The following TMPRSS4 variants were observed in gnomAD, a reference collection of about 807,000 sequenced individuals.
TMPRSS4 encodes the protein transmembrane serine protease 4.
In TMPRSS4, 45 loss-of-function variants were observed where a neutral mutation model predicts 56.4. The observed-to-expected ratio is 0.80, with a 90% CI of 0.63 to 1.02. The LOEUF (loss-of-function observed/expected upper bound fraction) is 1.02, where lower values mean the gene tolerates loss of function less well. Among genes scored for constraint, TMPRSS4 ranks in the 50% least tolerant of loss-of-function variants. The probability of loss-of-function intolerance (pLI) is 0.00; values close to 1 mark genes in which losing one functional copy is unlikely to be tolerated. For synonymous variants in TMPRSS4, 205 were observed against 211.0 expected (o/e 0.97, Z 0.25); for missense variants, 546 against 556.7 (o/e 0.98, Z 0.19).
At chr11:118,109,595 T>C (rs1442999627) in intron 7 of TMPRSS4, among the ~76,000 whole-genome samples, 2 of 152,194 alleles carry the variant, frequency 1.3e-5, no homozygotes, top group Non-Finnish European at 2.9e-5. Flanking sequence ...TTAGTCCAAC[T>C]GCCCATCAAG....
intron 3 of TMPRSS4, among the ~76,000 whole-genome samples, chr11:118,099,450 A>AG (rs943688044): frequency 2.8e-3 from 110 of 39,058 alleles, no homozygotes; most frequent in African/African-American, 0.01. Context: ...GAAAGAAGAG[A>AG]GAAAGAGAGA....
At chr11:118,095,353 C>A (rs780296827) in intron 2 of TMPRSS4, 19 of 166,198 alleles carry the variant, frequency 1.1e-4, no homozygotes, top group Non-Finnish European at 2.4e-4. Flanking sequence ...ATTACATTTT[C>A]TTAAACCATT....
At chr11:118,084,623 C>A (rs1262884409) in intron 1 of TMPRSS4, among the ~76,000 whole-genome samples, 2 of 152,148 alleles carry the variant, frequency 1.3e-5, no homozygotes, top group Non-Finnish European at 1.5e-5. Flanking sequence ...CAGCACAGAC[C>A]CTCCTTGAAC....
At position 118,099,499 on chromosome 11, in the gene TMPRSS4, A is replaced by AAGAAAGAAAGAAAGAC. The variant is rs1555085874; in HGVS notation, c.157+404_157+405insAAGAAAGAAAGACAGA. 5.0e-3 allele frequency among the ~76,000 whole-genome samples: 753 copies of AAGAAAGAAAGAAAGAC among 151,734 alleles called. 4 individuals are homozygous for AAGAAAGAAAGAAAGAC. Among genetic ancestry groups the AAGAAAGAAAGAAAGAC allele is most frequent in the Middle Eastern group, 0.031 (9 of 292 alleles). ...AGAAAGAAAAAGAAAGAAAGAAAGA[A>AAGAAAGAAAGAAAGAC]AGACATGTATCCACCCCCTGCTTTG... On this transcript the variant is annotated intron_variant, in intron 3 of 12. Transcript: ENST00000437212.
chr11:118,103,287 G>A, intron 4 of TMPRSS4, 34 bp downstream of exon 4: 2 of 1,600,484 alleles, frequency 1.2e-6, no homozygotes, highest in South Asian at 2.2e-5. Flanking sequence ...AGAGAAGTGG[G>A]CCCAGCAGGA....
chr11:118,091,041 A>T (rs1448597406), intron 1 of TMPRSS4, among the ~76,000 whole-genome samples: 4 of 152,176 alleles, frequency 2.6e-5, no homozygotes, highest in Admixed American at 2.6e-4. Flanking sequence ...ATGCATGCAC[A>T]GGTAGACTCA....
chr11:118,082,086 G>A (rs1244844858), intron 1 of TMPRSS4, among the ~76,000 whole-genome samples: 2 of 152,158 alleles, frequency 1.3e-5, no homozygotes, highest in East Asian at 1.9e-4. Context: ...GAACCTGTCC[G>A]GACACGTAGG....
intron 7 of TMPRSS4, among the ~76,000 whole-genome samples, chr11:118,109,871 C>T (rs949278831): frequency 6.6e-6 from 1 of 152,202 alleles, no homozygotes; most frequent in Non-Finnish European, 1.5e-5. Context: ...GGATCTGACA[C>T]GTGGTGGCTG....
intron 7 of TMPRSS4, among the ~76,000 whole-genome samples, chr11:118,110,193 C>A (rs1391251383): frequency 6.6e-6 from 1 of 152,188 alleles, no homozygotes; most frequent in Admixed American, 6.5e-5. Context: ...CCCAGCACTG[C>A]CCCAGGACAG....
At position 118,117,252 on chromosome 11, in the gene TMPRSS4, GC is replaced by G. The variant is rs1184923958; in HGVS notation, c.1153-46del. 1.1e-5 allele frequency: 18 copies of G among 1,594,232 alleles called. No homozygotes were observed. The East Asian group carries it at 1.6e-4, about 14-fold the overall frequency. On this transcript the variant is annotated intron_variant, in intron 11 of 12. Transcript: ENST00000437212. The stretch of plus-strand genomic sequence containing the variant: ...CAGTTCAGGGAGCAGAGAAGGAGAA[GC>G]CCCCCCACCTCACCTGCCCTCCCCA...
chr11:118,104,602 G>C, intron 4 of TMPRSS4, 89 bp from the exon 5 acceptor site: 1 of 1,590,268 alleles, frequency 6.3e-7, no homozygotes, highest in Non-Finnish European at 8.6e-7. Context: ...CTAGGTTGGG[G>C]GAGCTTGGGC....
chr11:118,099,108 A>G lies in TMPRSS4; in HGVS notation c.157+10A>G. 1.2e-6 allele frequency: 2 copies of G among 1,610,316 alleles called. No individual in the cohort carries two copies. Among genetic ancestry groups the G allele is most frequent in the South Asian group, 1.1e-5 (1 of 90,990 alleles). On this transcript the variant is annotated intron_variant, in intron 3 of 12. Transcript: ENST00000437212. ...ATTGTGGTTGTCCTCAGTAAGTGACAGCCCGTACCCGACTTTCACCCTCTA... is the reference window on the plus strand; with the variant it reads ...ATTGTGGTTGTCCTCAGTAAGTGACGGCCCGTACCCGACTTTCACCCTCTA...
Position 118,108,022 on chromosome 11 carries a change from T to A in TMPRSS4, c.542+147T>A. On this transcript the variant is annotated intron_variant, in intron 6 of 12. Coordinates refer to ENST00000437212, the MANE Select transcript of TMPRSS4 (RefSeq NM_019894.4). Reference sequence around the variant, plus strand: ...ACTCCTAGCCAGATGGATCATTCAATGCCAAGAGCTATAGACTCACATTTT... The same window carrying A: ...ACTCCTAGCCAGATGGATCATTCAAAGCCAAGAGCTATAGACTCACATTTT... 4.7e-6 allele frequency: 3 copies of A among 631,636 alleles called. No homozygotes were observed. The South Asian group carries it at 5.8e-5, about 12-fold the overall frequency. The allele number at this position is 631,636 out of a possible 1,614,324, so 39.1% of individuals were successfully genotyped here.
intron 7 of TMPRSS4, among the ~76,000 whole-genome samples, chr11:118,109,619 C>T (rs1020359237): frequency 1.3e-5 from 2 of 152,138 alleles, no homozygotes; most frequent in African/African-American, 4.8e-5. Flanking sequence ...CTTTAGGGAC[C>T]CTTCTAGCTC....
intron 1 of TMPRSS4, among the ~76,000 whole-genome samples, chr11:118,081,938 C>T (rs1274220675): frequency 6.6e-6 from 1 of 152,182 alleles, no homozygotes; most frequent in Non-Finnish European, 1.5e-5. Context: ...GACACTCACT[C>T]ACTCACTGAT....
In TMPRSS4 at chr11:118,114,817, T is replaced by G. The variant is rs1196981308; in HGVS notation, c.911-12T>G. The G allele has an allele frequency of 4.4e-6, 7 of 1,596,334 alleles. No individual in the cohort carries two copies. Among genetic ancestry groups the G allele is most frequent in the Non-Finnish European group, 6.0e-6 (7 of 1,170,816 alleles). On this transcript the variant is annotated splice_polypyrimidine_tract_variant and intron_variant, in intron 9 of 12. Transcript: ENST00000437212. ...AATAAAAGATCTCCTTCTTCCTCTGTGCTCCTGGCAGGCACAGTCAGGCCC... is the reference window on the plus strand; with the variant it reads ...AATAAAAGATCTCCTTCTTCCTCTGGGCTCCTGGCAGGCACAGTCAGGCCC...
intron 7 of TMPRSS4, among the ~76,000 whole-genome samples, chr11:118,109,822 G>T (rs1426544931): frequency 6.6e-6 from 1 of 152,166 alleles, no homozygotes; most frequent in East Asian, 1.9e-4. Flanking sequence ...ATTCATTATC[G>T]TATGCCCCCT....
chr11:118,099,595 C>A (rs1027518281), intron 3 of TMPRSS4, among the ~76,000 whole-genome samples: 2 of 152,254 alleles, frequency 1.3e-5, no homozygotes, highest in Non-Finnish European at 2.9e-5. Flanking sequence ...GGCTTCTATC[C>A]CAGGTGACTT....
At chr11:118,110,984 C>G (rs1045848605) in intron 7 of TMPRSS4, among the ~76,000 whole-genome samples, 4 of 152,226 alleles carry the variant, frequency 2.6e-5, no homozygotes, top group Non-Finnish European at 4.4e-5. Context: ...GGAAACTCTA[C>G]TTTGCCCTCA....
Sources: allele counts gnomAD v4.1 joint callset (sites outside exome capture counted in the v4.1 genomes callset), GRCh38; gene constraint gnomAD v4.1.1; transcripts MANE v1.5; gene names NCBI Gene and HGNC (gene_info 2026-07-23, HGNC 2026-07-21).